ZMYM2: variants seen among roughly 807,000 people sequenced by gnomAD.
ZMYM2 encodes the protein zinc finger MYM-type protein 2.
In ZMYM2, 56 loss-of-function variants were observed where a neutral mutation model predicts 162.8. The observed-to-expected ratio is 0.34, with a 90% CI of 0.28 to 0.43. The LOEUF (loss-of-function observed/expected upper bound fraction) is 0.43. Ranked by LOEUF, ZMYM2 falls within the 20% of genes least tolerant of loss-of-function variation. The probability of loss-of-function intolerance (pLI) is 1.00; values close to 1 mark genes in which losing one functional copy is unlikely to be tolerated. For synonymous variants in ZMYM2, 510 were observed against 541.6 expected (o/e 0.94, Z 0.81); for missense variants, 1,275 against 1,621.8 (o/e 0.79, Z 3.67).
chr13:20,010,600 T>G (rs571204794), intron 6 of ZMYM2, among the ~76,000 whole-genome samples: 1 of 152,102 alleles, frequency 6.6e-6, no homozygotes, highest in South Asian at 2.1e-4. Context: ...GGTTTTGTAG[T>G]TCAGTTCTTT....
chr13:19,910,356 A>G, the ZMYM2 span, among the ~76,000 whole-genome samples: 23 of 152,214 alleles, frequency 1.5e-4, no homozygotes, highest in Non-Finnish European at 2.8e-4. Flanking sequence ...TGGCTGACAC[A>G]TGGACTATAA....
At chr13:19,900,485 C>T in the ZMYM2 span, among the ~76,000 whole-genome samples, 196 of 152,164 alleles carry the variant, frequency 1.3e-3, 3 homozygotes, top group East Asian at 0.036. Flanking sequence ...GATGGGTTCA[C>T]GGGTAAATTC....
At chr13:20,011,097 C>T (rs778369407) in intron 6 of ZMYM2, among the ~76,000 whole-genome samples, 1 of 152,168 alleles carries the variant, frequency 6.6e-6, no homozygotes. Context: ...TCGAAATTCT[C>T]TCTTTTAGCC....
chr13:20,058,477 G>A, intron 14 of ZMYM2, 98 bp from the exon 15 acceptor site: 11 of 1,414,336 alleles, frequency 7.8e-6, no homozygotes, highest in African/African-American at 1.4e-5. Context: ...TTCTGCTTTT[G>A]TGTGTTCCCT....
At chr13:20,034,678 G>A (rs1160670386) in intron 11 of ZMYM2, among the ~76,000 whole-genome samples, 2 of 152,154 alleles carry the variant, frequency 1.3e-5, no homozygotes, top group Non-Finnish European at 2.9e-5. Flanking sequence ...AAACCTACAT[G>A]TTGTGGTCTG....
the ZMYM2 span, among the ~76,000 whole-genome samples, chr13:19,888,982 T>C: frequency 6.6e-6 from 1 of 152,028 alleles, no homozygotes; most frequent in Admixed American, 6.6e-5. Context: ...ATTTTACAGA[T>C]CTATAGTGCC....
Position 20,088,873 on chromosome 13 carries a change from G to A in ZMYM2, c.*2859G>A. The A allele has an allele frequency of 5.1e-6, 1 of 196,578 alleles. No homozygotes were observed. The highest frequency in any genetic ancestry group is 1.1e-5 in the Non-Finnish European group (1 of 94,594). 12.2% of individuals were successfully genotyped at this position (196,578 alleles called of 1,614,324 possible). Reference sequence around the variant, plus strand: ...GTATGAAGAAATCATAAAATTGCAAGTTTTGGTTTGCATTACTCTAATGTG... The same window carrying A: ...GTATGAAGAAATCATAAAATTGCAAATTTTGGTTTGCATTACTCTAATGTG... On this transcript the variant is annotated 3_prime_UTR_variant, in exon 25 of 25. Transcript: ENST00000610343.
At chr13:20,021,367 C>CT (rs77767226) in intron 7 of ZMYM2, among the ~76,000 whole-genome samples, 139 of 108,894 alleles carry the variant, frequency 1.3e-3, no homozygotes, top group African/African-American at 3.2e-3. Context: ...TGTTTTCCTG[C>CT]TTTTTTTTTT....
chr13:19,904,580 T>C, the ZMYM2 span, among the ~76,000 whole-genome samples: 1 of 152,082 alleles, frequency 6.6e-6, no homozygotes, highest in Non-Finnish European at 1.5e-5. Context: ...TTTTTAATAA[T>C]AATAATATTG....
intron 1 of ZMYM2, among the ~76,000 whole-genome samples, chr13:19,959,573 C>T (rs1273291596): frequency 2.0e-5 from 3 of 152,142 alleles, no homozygotes; most frequent in African/African-American, 7.2e-5. Flanking sequence ...TGACGTGAGC[C>T]GCCCCTTACC....
chr13:19,879,273 C>T, the ZMYM2 span, among the ~76,000 whole-genome samples: 4 of 152,002 alleles, frequency 2.6e-5, no homozygotes, highest in African/African-American at 9.7e-5. Flanking sequence ...TGGTATAGTA[C>T]TCTTGTTGAA....
rs71198951 is a variant in ZMYM2, at chr13:20,020,234, CTTTTTTTTT to C, written c.1584+625_1584+633del. On this transcript the variant is annotated intron_variant, in intron 7 of 24. Transcript: ENST00000610343. The stretch of plus-strand genomic sequence containing the variant: ...ATCATAGGCTATTATTATTCCTCTT[CTTTTTTTTT>C]TTTTTTTTGAGACAGAGTTTCGCTC... Among the ~76,000 whole-genome samples, 3 of 137,222 alleles carry C rather than the reference CTTTTTTTTT, an allele frequency of 2.2e-5. No homozygotes were observed. The East Asian group carries it at 6.2e-4, about 29-fold the overall frequency. The allele number at this position is 137,222 out of a possible 152,430, so 90.0% of individuals were successfully genotyped here.
rs1431334441 is a variant in ZMYM2 at position 20,064,375 on chromosome 13, G to T, written c.3038-76G>T. On this transcript the variant is annotated intron_variant, in intron 18 of 24. Transcript: ENST00000610343. ...TATGAATGCTGGTTTACATCCTGTG[G>T]TTAGTTCTTTGTTGGCTGTGTTTAT... The T allele has an allele frequency of 4.7e-6, 6 of 1,288,454 alleles. No homozygotes were observed. In the Admixed American group the frequency reaches 6.6e-5, roughly 14 times the overall value. 79.8% of individuals were successfully genotyped at this position (1,288,454 alleles called of 1,614,324 possible).
chr13:19,884,078 AGTT>A, the ZMYM2 span, among the ~76,000 whole-genome samples: 1 of 152,192 alleles, frequency 6.6e-6, no homozygotes, highest in African/African-American at 2.4e-5. Context: ...ATTCTTTAAA[AGTT>A]AAGTTTCTGC....
intron 12 of ZMYM2, among the ~76,000 whole-genome samples, chr13:20,040,496 A>G (rs941359145): frequency 1.3e-5 from 2 of 151,856 alleles, no homozygotes; most frequent in Non-Finnish European, 2.9e-5. Context: ...TTATTAGTCT[A>G]GCTAGCAGTC....
At chr13:19,925,555 C>A in the ZMYM2 span, among the ~76,000 whole-genome samples, 1 of 151,556 alleles carries the variant, frequency 6.6e-6, no homozygotes, top group Admixed American at 6.6e-5. Context: ...TTTTTATATT[C>A]TTCTCGTCCC....
the ZMYM2 span, among the ~76,000 whole-genome samples, chr13:19,947,693 C>A: frequency 0.024 from 2,003 of 82,544 alleles, 25 homozygotes; most frequent in African/African-American, 0.035. Flanking sequence ...AGGCTAGTCT[C>A]GAATTGTCTC....
the ZMYM2 span, among the ~76,000 whole-genome samples, chr13:19,885,952 CACATAT>C: frequency 5.6e-5 from 5 of 88,904 alleles, 2 homozygotes; most frequent in Admixed American, 1.9e-4. Flanking sequence ...TATGTATATA[CACATAT>C]ATATGTGTAT....
At chr13:20,005,325 C>T in intron 5 of ZMYM2, 86 bp downstream of exon 5, 1 of 1,029,952 alleles carries the variant, frequency 9.7e-7, no homozygotes, top group Non-Finnish European at 1.4e-6. Context: ...AATCTTTTAT[C>T]AGTTCCTTAA....
Sources: gnomAD v4.1 joint callset for allele counts (sites outside exome capture counted in the v4.1 genomes callset) on GRCh38, gnomAD v4.1.1 for gene constraint, MANE v1.5 for transcripts, NCBI Gene and HGNC (gene_info 2026-07-23, HGNC 2026-07-21) for gene names.